GPC3: variants seen among roughly 807,000 people sequenced by gnomAD.
GPC3 encodes glypican-3.
GPC3 carries 3 observed loss-of-function variants against 34.4 expected under a neutral mutation model. The observed-to-expected ratio is 0.09, with a 90% CI of 0.04 to 0.23. The LOEUF is 0.23. Ranked by LOEUF, GPC3 falls within the 10% of genes least tolerant of loss-of-function variation. GPC3 has a pLI of 1.00. For synonymous variants in GPC3, 177 were observed against 174.0 expected (o/e 1.02, Z -0.13); for missense variants, 351 against 445.6 (o/e 0.79, Z 1.91).
chrX:133,631,229 C>T (rs1320847032), intron 6 of GPC3, among the ~76,000 whole-genome samples: 1 of 111,781 alleles, frequency 8.9e-6, no homozygotes, highest in Non-Finnish European at 1.9e-5. Context: ...AAAATTAAAA[C>T]TCTGTACCTG....
intron 6 of GPC3, among the ~76,000 whole-genome samples, chrX:133,646,301 C>G (rs1377526154): frequency 9.0e-6 from 1 of 111,184 alleles, no homozygotes; most frequent in Non-Finnish European, 1.9e-5. Flanking sequence ...GAGTTCAGGC[C>G]TAGTGATGTC....
chrX:133,659,866 C>T (rs1469314497), intron 6 of GPC3, among the ~76,000 whole-genome samples: 1 of 112,139 alleles, frequency 8.9e-6, no homozygotes, highest in Non-Finnish European at 1.9e-5. Flanking sequence ...ATTTGTACCA[C>T]TGTCCCCAAG....
At chrX:133,847,618 CACGTATCT>C in intron 2 of GPC3, among the ~76,000 whole-genome samples, 1 of 112,137 alleles carries the variant, frequency 8.9e-6, no homozygotes, top group Non-Finnish European at 1.9e-5. Flanking sequence ...TGAGCACACA[CACGTATCT>C]ACAAACAGGA....
intron 6 of GPC3, among the ~76,000 whole-genome samples, chrX:133,614,053 A>G (rs1458477872): frequency 9.0e-6 from 1 of 111,399 alleles, no homozygotes; most frequent in Non-Finnish European, 1.9e-5. Context: ...ATCAATTGAG[A>G]CAATTCGGTA....
chrX:133,834,671 G>A (rs2075791480), intron 2 of GPC3, among the ~76,000 whole-genome samples: 1 of 111,695 alleles, frequency 9.0e-6, no homozygotes, highest in Admixed American at 9.6e-5. Context: ...CCACATATCA[G>A]GACTGTATTA....
intron 2 of GPC3, among the ~76,000 whole-genome samples, chrX:133,910,963 C>T (rs964938727): frequency 9.0e-6 from 1 of 111,650 alleles, no homozygotes; most frequent in Admixed American, 9.5e-5. Context: ...TTCCAAGCGA[C>T]CCTGTGTTCA....
At chrX:133,750,945 C>G (rs769337262) in intron 3 of GPC3, among the ~76,000 whole-genome samples, 1 of 109,255 alleles carries the variant, frequency 9.2e-6, no homozygotes, top group East Asian at 2.9e-4. Flanking sequence ...TGGTGGCATG[C>G]GCCTGCAATC....
intron 2 of GPC3, among the ~76,000 whole-genome samples, chrX:133,804,814 A>AGGTGGT (rs1448290158): frequency 9.0e-6 from 1 of 111,074 alleles, no homozygotes; most frequent in Admixed American, 9.6e-5. Flanking sequence ...AATGAATCCT[A>AGGTGGT]GGTGGTGGTG....
At chrX:133,873,188 T>G (rs779874345) in intron 2 of GPC3, among the ~76,000 whole-genome samples, 33 of 112,170 alleles carry the variant, frequency 2.9e-4, no homozygotes, top group African/African-American at 1.0e-3. Flanking sequence ...TCTTCTAAAC[T>G]CTGGTTAATG....
chrX:133,609,957 G>C, intron 6 of GPC3, among the ~76,000 whole-genome samples: 1 of 112,072 alleles, frequency 8.9e-6, no homozygotes, highest in Admixed American at 9.5e-5. Flanking sequence ...ACTTAGTTCA[G>C]ATACAATCAT....
chrX:133,919,492 A>C (rs746541628), intron 2 of GPC3, among the ~76,000 whole-genome samples: 1 of 111,636 alleles, frequency 9.0e-6, no homozygotes. Context: ...AAGGAATTAC[A>C]TATAAAAATG....
chrX:133,544,299 C>CA (rs1314620031), intron 7 of GPC3, among the ~76,000 whole-genome samples: 4 of 111,600 alleles, frequency 3.6e-5, no homozygotes, highest in African/African-American at 1.3e-4. Flanking sequence ...TGTCAACTAC[C>CA]ACGCTGGACC....
intron 6 of GPC3, among the ~76,000 whole-genome samples, chrX:133,652,121 C>T (rs1008097210): frequency 2.7e-5 from 3 of 112,101 alleles, no homozygotes; most frequent in African/African-American, 9.7e-5. Flanking sequence ...AATCCAATTT[C>T]CATCCCTTAT....
At chrX:133,829,416 CAA>C (rs1367311499) in intron 2 of GPC3, among the ~76,000 whole-genome samples, 3 of 111,703 alleles carry the variant, frequency 2.7e-5, no homozygotes, top group African/African-American at 6.5e-5. Flanking sequence ...TATAACTAGA[CAA>C]AGGTCAGCAA....
intron 5 of GPC3, 37 bp from the exon 6 acceptor site, chrX:133,661,887 A>G: frequency 8.3e-7 from 1 of 1,198,135 alleles, no homozygotes; most frequent in Non-Finnish European, 1.1e-6. Flanking sequence ...TTTGTCAAAG[A>G]AAGTCCCAAA....
intron 6 of GPC3, among the ~76,000 whole-genome samples, chrX:133,655,498 A>ACACACC (rs1569406934): frequency 4.6e-5 from 5 of 108,104 alleles, no homozygotes; most frequent in African/African-American, 1.7e-4. Flanking sequence ...ACACACACAC[A>ACACACC]CACACACCCA....
intron 2 of GPC3, among the ~76,000 whole-genome samples, chrX:133,836,863 G>C (rs983628308): frequency 8.9e-6 from 1 of 111,904 alleles, no homozygotes; most frequent in Non-Finnish European, 1.9e-5. Context: ...CTTGGCCCTA[G>C]TCTGTGTTGG....
chrX:133,882,248 G>C (rs937094586), intron 2 of GPC3, among the ~76,000 whole-genome samples: 4 of 111,345 alleles, frequency 3.6e-5, no homozygotes, highest in Non-Finnish European at 7.5e-5. Flanking sequence ...ACCAGTGCCA[G>C]ACCCTGAGTC....
In GPC3 at chrX:133,842,275, G is replaced by T. The variant is rs1212106554; in HGVS notation, c.338-88099C>A. Among the ~76,000 whole-genome samples, 3 of 108,495 alleles carry T rather than the reference G, an allele frequency of 2.8e-5. No individual in the cohort carries two copies. In the East Asian group the frequency reaches 8.5e-4, roughly 31 times the overall value. 94.2% of individuals were successfully genotyped at this position (108,495 alleles called of 115,157 possible). ...AGAGGTTGCAGTGAGCCGAGATTGT[G>T]CCATTGCACTCCAGCCTGGGCCACG... On this transcript the variant is annotated intron_variant, in intron 2 of 7. Coordinates refer to ENST00000370818, the MANE Select transcript of GPC3 (RefSeq NM_004484.4).
Sources: gnomAD v4.1 joint callset for allele counts (sites outside exome capture counted in the v4.1 genomes callset) on GRCh38, gnomAD v4.1.1 for gene constraint, MANE v1.5 for transcripts, NCBI Gene and HGNC (gene_info 2026-07-23, HGNC 2026-07-21) for gene names.